Variants in GLMN observed in about 807,000 individuals in gnomAD.
GLMN encodes glomulin, FKBP associated protein, also known as glomulin.
Under a neutral mutation model 87.8 loss-of-function variants are expected in GLMN, and 75 were observed. That is an observed-to-expected ratio of 0.85 (90% CI 0.71 to 1.04). The LOEUF (loss-of-function observed/expected upper bound fraction) is 1.04. GLMN is among the 50% of genes least tolerant of loss of function. The probability of loss-of-function intolerance (pLI) is 0.00; values close to 1 mark genes in which losing one functional copy is unlikely to be tolerated. For missense variants in GLMN, 588 were observed against 658.8 expected, an observed-to-expected ratio of 0.89 and a Z score of 1.18; for synonymous variants, 206 against 221.6, an observed-to-expected ratio of 0.93 and a Z score of 0.63.
At chr1:92,265,323 C>CAA (rs67154270) in intron 13 of GLMN, among the ~76,000 whole-genome samples, 3 of 87,472 alleles carry the variant, frequency 3.4e-5, no homozygotes, top group Non-Finnish European at 6.8e-5. Context: ...AGCTTAATTG[C>CAA]AAAAAAAAAA....
chr1:92,270,557 T>C (rs1656136732), intron 8 of GLMN, among the ~76,000 whole-genome samples: 1 of 152,230 alleles, frequency 6.6e-6, no homozygotes, highest in Non-Finnish European at 1.5e-5. Context: ...ACGAATGTAC[T>C]CCTAGCTATA....
chr1:92,266,731 T>C lies in GLMN; in HGVS notation c.1109A>G (p.Lys370Arg), dbSNP rs1655683875. Reference protein sequence around the residue: ...SFLTVPQGLVKVMTLCPIETL... With the variant: ...SFLTVPQGLVRVMTLCPIETL... ...CTCAATGGGGCAAAGTGTCATTACT[T>C]TCACTAAGCCCTGGAAATAAAAAAA... The change falls in exon 12 of 19, where the codon AAA becomes AGA. Residue 370 changes from lysine (K) to arginine (R), a missense_variant. Coordinates refer to ENST00000370360, the MANE Select transcript of GLMN (RefSeq NM_053274.3). 6.2e-7 allele frequency: 1 copy of C among 1,601,572 alleles called. No individual in the cohort carries two copies. Among genetic ancestry groups the C allele is most frequent in the African/African-American group, 1.3e-5 (1 of 74,816 alleles).
intron 12 of GLMN, 37 bp from the exon 13 acceptor site, chr1:92,266,529 A>G (rs1156277911): frequency 1.5e-6 from 2 of 1,295,714 alleles, no homozygotes; most frequent in African/African-American, 1.5e-5. Context: ...TATAAAATGA[A>G]TAAAGCTTAC....
chr1:92,271,156 T>G (rs1474549092), intron 8 of GLMN, among the ~76,000 whole-genome samples: 1 of 152,200 alleles, frequency 6.6e-6, no homozygotes, highest in African/African-American at 2.4e-5. Context: ...AGTGAAAAGA[T>G]GATGATACCC....
chr1:92,356,938 C>T, the GLMN span, among the ~76,000 whole-genome samples: 18 of 151,922 alleles, frequency 1.2e-4, no homozygotes, highest in Admixed American at 9.8e-4. Context: ...TGGCGGGGAC[C>T]GCCTGTAATC....
At chr1:92,277,741 GA>G (rs1647458137) in intron 7 of GLMN, among the ~76,000 whole-genome samples, 1 of 152,174 alleles carries the variant, frequency 6.6e-6, no homozygotes, top group Non-Finnish European at 1.5e-5. Flanking sequence ...GCAGGGTATG[GA>G]AACTTGGTGC....
At chr1:92,311,061 A>G in the GLMN span, among the ~76,000 whole-genome samples, 1 of 152,166 alleles carries the variant, frequency 6.6e-6, no homozygotes, top group Non-Finnish European at 1.5e-5. Flanking sequence ...AATGCCTCTG[A>G]TATTTTCTAC....
the GLMN span, among the ~76,000 whole-genome samples, chr1:92,308,440 C>T: frequency 1.9e-3 from 282 of 152,270 alleles, no homozygotes; most frequent in African/African-American, 6.4e-3. Context: ...CCCAGTACTT[C>T]CCCAGTCCTC....
the GLMN span, chr1:92,307,256 A>G: frequency 1.9e-6 from 3 of 1,610,742 alleles, 1 homozygote; most frequent in East Asian, 2.2e-5. Context: ...AAACTCCAGT[A>G]TGGGTTCGAG....
At chr1:92,260,143 A>T (rs1180770446) in intron 16 of GLMN, among the ~76,000 whole-genome samples, 7 of 152,142 alleles carry the variant, frequency 4.6e-5, no homozygotes, top group African/African-American at 1.7e-4. Context: ...ACCTATTGTC[A>T]TTGCACTCAG....
At chr1:92,278,576 C>T (rs1338403269) in intron 7 of GLMN, among the ~76,000 whole-genome samples, 3 of 152,164 alleles carry the variant, frequency 2.0e-5, no homozygotes, top group Non-Finnish European at 4.4e-5. Context: ...TTCTCTGCAA[C>T]CCTTCAAAAG....
At chr1:92,307,532 G>A in the GLMN span, among the ~76,000 whole-genome samples, 5 of 152,148 alleles carry the variant, frequency 3.3e-5, no homozygotes, top group Admixed American at 1.3e-4. Context: ...CCAGTGTCCT[G>A]TGATGCTAGT....
At chr1:92,254,828 C>T (rs527823885) in intron 16 of GLMN, among the ~76,000 whole-genome samples, 12 of 152,228 alleles carry the variant, frequency 7.9e-5, no homozygotes, top group Admixed American at 2.0e-4. Context: ...TAAAGACCAT[C>T]GACACTATGA....
chr1:92,269,442 A>G (rs545261606), intron 9 of GLMN, among the ~76,000 whole-genome samples: 1 of 152,086 alleles, frequency 6.6e-6, no homozygotes, highest in Non-Finnish European at 1.5e-5. Flanking sequence ...GTTTTAATTT[A>G]CCAACTTTTG....
chr1:92,257,829 A>G (rs1366598221), intron 16 of GLMN, among the ~76,000 whole-genome samples: 1 of 152,192 alleles, frequency 6.6e-6, no homozygotes, highest in Non-Finnish European at 1.5e-5. Flanking sequence ...AACCTAGGCA[A>G]TACCATTCAG....
chr1:92,288,538 T>C (rs1428006032), intron 6 of GLMN, among the ~76,000 whole-genome samples: 1 of 152,132 alleles, frequency 6.6e-6, no homozygotes, highest in Non-Finnish European at 1.5e-5. Context: ...ACCCATCCTC[T>C]AGCCTCAGCT....
intron 3 of GLMN, among the ~76,000 whole-genome samples, chr1:92,295,817 A>T (rs758043436): frequency 3.3e-5 from 5 of 152,224 alleles, no homozygotes; most frequent in Non-Finnish European, 7.3e-5. Flanking sequence ...TAATTAAGTT[A>T]ATAAATGTAA....
intron 16 of GLMN, among the ~76,000 whole-genome samples, chr1:92,253,802 G>A (rs1029538447): frequency 3.3e-5 from 5 of 152,132 alleles, no homozygotes; most frequent in East Asian, 1.9e-4. Flanking sequence ...AGAAATCCAC[G>A]AAGACGAGGA....
At chr1:92,262,956 G>A (rs1299346969) in intron 15 of GLMN, 30 bp from the exon 16 acceptor site, 8 of 884,654 alleles carry the variant, frequency 9.0e-6, no homozygotes, top group Admixed American at 1.8e-5. Context: ...GTTACTTACA[G>A]TATGGTTTTA....
Sources: allele counts gnomAD v4.1 joint callset (sites outside exome capture counted in the v4.1 genomes callset), GRCh38; gene constraint gnomAD v4.1.1; transcripts MANE v1.5; gene names NCBI Gene and HGNC (gene_info 2026-07-23, HGNC 2026-07-21).